Variants in ANKRD27 observed in about 807,000 individuals in gnomAD.
ANKRD27 encodes the protein ankyrin repeat domain-containing protein 27.
Under a neutral mutation model 129.7 loss-of-function variants are expected in ANKRD27, and 112 were observed. The ratio of observed to expected loss-of-function variants is 0.86; its 90% CI spans 0.74 to 1.01. ANKRD27 has a LOEUF of 1.01. Among genes scored for constraint, ANKRD27 ranks in the 50% least tolerant of loss-of-function variants. The pLI is 0.00. For synonymous variants in ANKRD27, 516 were observed against 511.2 expected (o/e 1.01, Z -0.13); for missense variants, 1,258 against 1,300.5 (o/e 0.97, Z 0.50).
At chr19:32,631,316 G>A (rs912522804) in intron 13 of ANKRD27, 86 bp downstream of exon 13, 3 of 1,288,504 alleles carry the variant, frequency 2.3e-6, no homozygotes, top group Non-Finnish European at 2.2e-6. Context: ...ACCATGCCTG[G>A]CCAACCCTGA....
rs760657152 is a variant in ANKRD27, at chr19:32,625,880, G to A, written c.1623C>T (p.His541=). ...TPLHLACTYG[H]EDCVKALVYY... ...AACAGCAAGAGCCACTCACGTCCTCGTGGCCGTAGGTGCAGGCCAGGTGGA... is the reference window on the plus strand; with the variant it reads ...AACAGCAAGAGCCACTCACGTCCTCATGGCCGTAGGTGCAGGCCAGGTGGA... Residue 541 remains histidine (H), a synonymous_variant, in exon 17 of 29, where the codon CAC becomes CAT. Transcript: ENST00000306065. 5 of 1,597,158 alleles carry A rather than the reference G, an allele frequency of 3.1e-6. No individual in the cohort carries two copies. Among genetic ancestry groups the A allele is most frequent in the Middle Eastern group, 1.7e-4 (1 of 6,014 alleles).
intron 22 of ANKRD27, chr19:32,608,383 C>T (rs76427814): frequency 0.013 from 4,515 of 339,112 alleles, 71 homozygotes; most frequent in Non-Finnish European, 0.022. Flanking sequence ...GCCACAGCCC[C>T]GCAAAGGCGA....
chr19:32,616,781 C>T (rs1354895692), intron 21 of ANKRD27, among the ~76,000 whole-genome samples: 1 of 152,170 alleles, frequency 6.6e-6, no homozygotes, highest in Non-Finnish European at 1.5e-5. Flanking sequence ...CTTATGACTC[C>T]TCAGAGCCTC....
intron 1 of ANKRD27, among the ~76,000 whole-genome samples, chr19:32,664,659 T>TAATAATAATAAA (rs1399389861): frequency 1.0e-4 from 14 of 136,398 alleles, no homozygotes; most frequent in Non-Finnish European, 1.1e-4. Context: ...ATAATAATAA[T>TAATAATAATAAA]AAAAAGTTCT....
chr19:32,626,125 A>T (rs150006908), intron 16 of ANKRD27, among the ~76,000 whole-genome samples, 159 bp from the exon 17 acceptor site: 178 of 152,318 alleles, frequency 1.2e-3, no homozygotes, highest in African/African-American at 4.1e-3. Context: ...CACTTGAGAG[A>T]CTGAAGAAAA....
chr19:32,605,378 TAATA>T (rs973436815), intron 24 of ANKRD27, among the ~76,000 whole-genome samples: 3 of 152,122 alleles, frequency 2.0e-5, no homozygotes, highest in African/African-American at 7.2e-5. Context: ...AAAAAAAAAT[TAATA>T]AATAACACTG....
At chr19:32,644,283 C>A (rs369779658) in intron 5 of ANKRD27, 42 bp downstream of exon 5, 1 of 1,595,464 alleles carries the variant, frequency 6.3e-7, no homozygotes. Flanking sequence ...TGCACTGAAC[C>A]GAGACAGGGC....
At chr19:32,612,991 T>A (rs1411276829) in intron 22 of ANKRD27, among the ~76,000 whole-genome samples, 1 of 152,136 alleles carries the variant, frequency 6.6e-6, no homozygotes, top group Non-Finnish European at 1.5e-5. Flanking sequence ...GTGAGGAAAT[T>A]ATAGACAAGC....
intron 3 of ANKRD27, among the ~76,000 whole-genome samples, chr19:32,647,094 G>A (rs1346147449): frequency 6.6e-6 from 1 of 152,150 alleles, no homozygotes; most frequent in Non-Finnish European, 1.5e-5. Context: ...CTGGAGTGCT[G>A]GGATTACAGG....
At chr19:32,668,207 C>T (rs1297239615) in intron 1 of ANKRD27, among the ~76,000 whole-genome samples, 1 of 152,140 alleles carries the variant, frequency 6.6e-6, no homozygotes, top group Non-Finnish European at 1.5e-5. Flanking sequence ...GGCTGGAGTA[C>T]AGTGACACAA....
At chr19:32,605,500 A>G (rs10426856) in intron 24 of ANKRD27, among the ~76,000 whole-genome samples, 28,291 of 152,154 alleles carry the variant, frequency 0.19, 3,429 homozygotes, top group African/African-American at 0.33. Flanking sequence ...TAATGCATTC[A>G]CATAACCTTT....
intron 5 of ANKRD27, chr19:32,643,882 TTTC>T (rs1367000553): frequency 1.3e-5 from 7 of 540,104 alleles, no homozygotes; most frequent in East Asian, 3.2e-5. Context: ...TGGTTTGTTT[TTTC>T]TTTTTAAGAG....
intron 24 of ANKRD27, among the ~76,000 whole-genome samples, chr19:32,604,903 A>C (rs1437283154): frequency 6.6e-6 from 1 of 151,682 alleles, no homozygotes; most frequent in Non-Finnish European, 1.5e-5. Context: ...ACTAAAAAAA[A>C]ACACCAAAAA....
chr19:32,635,109 G>A (rs1015938235), intron 12 of ANKRD27, among the ~76,000 whole-genome samples: 12 of 152,182 alleles, frequency 7.9e-5, no homozygotes, highest in Admixed American at 2.6e-4. Flanking sequence ...GAAAGCAGAA[G>A]ACAGCCACGC....
chr19:32,656,050 AAAAG>A (rs1259226233), intron 2 of ANKRD27, among the ~76,000 whole-genome samples: 2 of 50,570 alleles, frequency 4.0e-5, no homozygotes, highest in African/African-American at 1.2e-4. Flanking sequence ...GAAAAGAAAG[AAAAG>A]AAAGAAAAGA....
At chr19:32,637,238 A>G (rs937749884) in intron 12 of ANKRD27, 1 of 152,198 alleles carries the variant, frequency 6.6e-6, no homozygotes, top group Non-Finnish European at 1.5e-5. Context: ...AAAGTCTGAC[A>G]AAGATGAATG....
chr19:32,604,129 G>T, intron 25 of ANKRD27, 134 bp downstream of exon 25: 1 of 996,672 alleles, frequency 1.0e-6, no homozygotes, highest in Non-Finnish European at 1.4e-6. Flanking sequence ...TGGACTTCTG[G>T]CACACCAACT....
At chr19:32,643,094 C>A (rs1967231838) in intron 9 of ANKRD27, 29 bp downstream of exon 9, 1 of 1,611,296 alleles carries the variant, frequency 6.2e-7, no homozygotes, top group Non-Finnish European at 8.5e-7. Context: ...CCTCTGAGGA[C>A]ACCAAGCCGC....
intron 4 of ANKRD27, among the ~76,000 whole-genome samples, chr19:32,644,958 G>C (rs1464733132): frequency 6.6e-6 from 1 of 152,086 alleles, no homozygotes; most frequent in Non-Finnish European, 1.5e-5. Context: ...TGCGAATGCT[G>C]CCTCCTGGAA....
Sources: allele counts gnomAD v4.1 joint callset (sites outside exome capture counted in the v4.1 genomes callset), GRCh38; gene constraint gnomAD v4.1.1; transcripts MANE v1.5; gene names NCBI Gene and HGNC (gene_info 2026-07-23, HGNC 2026-07-21).